Variants in PPP1R12B observed in about 807,000 individuals in gnomAD.
PPP1R12B encodes the protein myosin phosphatase target subunit 2.
In PPP1R12B, 76 loss-of-function variants were observed where a neutral mutation model predicts 126.1. That is an observed-to-expected ratio of 0.60 (90% CI 0.50 to 0.73). The LOEUF (loss-of-function observed/expected upper bound fraction) is 0.73. Among genes scored for constraint, PPP1R12B ranks in the 30% least tolerant of loss-of-function variants. The pLI is 0.00. For missense variants in PPP1R12B, 1,052 were observed against 1,205.1 expected, an observed-to-expected ratio of 0.87 and a Z score of 1.88; for synonymous variants, 356 against 434.7, an observed-to-expected ratio of 0.82 and a Z score of 2.25.
At chr1:202,578,319 T>G (rs531784369) in intron 23 of PPP1R12B, among the ~76,000 whole-genome samples, 1 of 152,370 alleles carries the variant, frequency 6.6e-6, no homozygotes, top group South Asian at 2.1e-4. Context: ...CATATATAGC[T>G]TCTTCCTACC....
chr1:202,548,808 C>CTATATATATA (rs370219273), intron 18 of PPP1R12B, among the ~76,000 whole-genome samples: 46 of 72,984 alleles, frequency 6.3e-4, no homozygotes, highest in Non-Finnish European at 7.7e-4. Flanking sequence ...CTCTCTCTCT[C>CTATATATATA]TATATATATA....
intron 10 of PPP1R12B, chr1:202,438,619 C>T: frequency 4.0e-6 from 2 of 503,966 alleles, no homozygotes; most frequent in Non-Finnish European, 3.7e-6. Flanking sequence ...GGAGCCTGAG[C>T]CCGCCCCGTC....
intron 18 of PPP1R12B, among the ~76,000 whole-genome samples, chr1:202,523,768 G>A (rs538383673): frequency 1.6e-4 from 24 of 152,120 alleles, no homozygotes; most frequent in Non-Finnish European, 2.1e-4. Context: ...AGGATGGAGT[G>A]CATTGGCGCC....
chr1:202,389,460 C>T (rs9943160), intron 1 of PPP1R12B, among the ~76,000 whole-genome samples: 6,149 of 150,842 alleles, frequency 0.041, 340 homozygotes, highest in African/African-American at 0.12. Flanking sequence ...CTGGCTAACA[C>T]GGTGAAACCC....
chr1:202,435,314 C>T (rs1670671474), intron 9 of PPP1R12B, among the ~76,000 whole-genome samples: 1 of 152,128 alleles, frequency 6.6e-6, no homozygotes, highest in South Asian at 2.1e-4. Flanking sequence ...GTTAAGATAA[C>T]ATAAGATAGA....
intron 23 of PPP1R12B, among the ~76,000 whole-genome samples, chr1:202,579,980 G>A (rs1007764585): frequency 1.3e-4 from 20 of 152,200 alleles, no homozygotes; most frequent in South Asian, 2.1e-4. Context: ...CAAGAAAGCC[G>A]AGTACTGCCT....
chr1:202,400,185 C>T (rs1665622745), intron 1 of PPP1R12B, among the ~76,000 whole-genome samples: 1 of 152,204 alleles, frequency 6.6e-6, no homozygotes, highest in Non-Finnish European at 1.5e-5. Flanking sequence ...CTGGAAAGCA[C>T]ATGATTTTGT....
chr1:202,550,615 C>T (rs1439939959), intron 18 of PPP1R12B, among the ~76,000 whole-genome samples: 1 of 152,060 alleles, frequency 6.6e-6, no homozygotes, highest in Admixed American at 6.6e-5. Context: ...GATGCCCATA[C>T]ACATCTGTGT....
At chr1:202,418,269 A>G (rs1668339230) in intron 2 of PPP1R12B, among the ~76,000 whole-genome samples, 1 of 152,182 alleles carries the variant, frequency 6.6e-6, no homozygotes, top group Non-Finnish European at 1.5e-5. Context: ...TTTATAGAAC[A>G]TGTTGGCCTT....
chr1:202,497,185 A>G (rs1679666500), intron 18 of PPP1R12B, among the ~76,000 whole-genome samples: 1 of 152,236 alleles, frequency 6.6e-6, no homozygotes, highest in Admixed American at 6.5e-5. Context: ...GCACTAATAG[A>G]GAGGGACATA....
intron 18 of PPP1R12B, among the ~76,000 whole-genome samples, chr1:202,526,033 G>A (rs747209029): frequency 4.6e-5 from 7 of 152,212 alleles, no homozygotes; most frequent in Non-Finnish European, 8.8e-5. Flanking sequence ...TTGCTTGTGA[G>A]AATGATCCCA....
At chr1:202,404,477 A>G (rs984239577) in intron 1 of PPP1R12B, among the ~76,000 whole-genome samples, 1 of 151,664 alleles carries the variant, frequency 6.6e-6, no homozygotes, top group African/African-American at 2.4e-5. Flanking sequence ...TCAGGTAAAT[A>G]ATTTTTTATT....
intron 2 of PPP1R12B, among the ~76,000 whole-genome samples, chr1:202,421,033 G>T (rs1468691516): frequency 1.4e-5 from 2 of 139,306 alleles, no homozygotes; most frequent in African/African-American, 5.4e-5. Context: ...TTGGCTCACT[G>T]CAACCTCCGC....
chr1:202,409,020 G>A (rs1667031645), intron 1 of PPP1R12B, among the ~76,000 whole-genome samples: 1 of 150,836 alleles, frequency 6.6e-6, no homozygotes, highest in Non-Finnish European at 1.5e-5. Context: ...TGTATTTTTA[G>A]TAGAGACAAG....
At chr1:202,456,882 A>G (rs1486489925) in intron 13 of PPP1R12B, among the ~76,000 whole-genome samples, 1 of 152,246 alleles carries the variant, frequency 6.6e-6, no homozygotes, top group Non-Finnish European at 1.5e-5. Flanking sequence ...CTGTAAAAAC[A>G]GTTTCAACCA....
intron 9 of PPP1R12B, among the ~76,000 whole-genome samples, chr1:202,435,842 T>C (rs1462443627): frequency 6.6e-6 from 1 of 152,218 alleles, no homozygotes; most frequent in Non-Finnish European, 1.5e-5. Context: ...AGAAGCATCA[T>C]CGTGAATAAT....
intron 18 of PPP1R12B, among the ~76,000 whole-genome samples, chr1:202,515,080 G>A (rs1681959001): frequency 6.6e-6 from 1 of 152,166 alleles, no homozygotes; most frequent in African/African-American, 2.4e-5. Flanking sequence ...CTTATAAGTG[G>A]AAGCTAAGTG....
At chr1:202,444,899 T>A in intron 12 of PPP1R12B, 1 of 544,052 alleles carries the variant, frequency 1.8e-6, no homozygotes, top group Non-Finnish European at 2.8e-6. Flanking sequence ...CAGCTCTAGC[T>A]GGAGTTGATC....
At chr1:202,496,947 T>G in intron 18 of PPP1R12B, 125 bp downstream of exon 18, 1 of 922,516 alleles carries the variant, frequency 1.1e-6, no homozygotes, top group South Asian at 1.6e-5. Flanking sequence ...GAGATAGACA[T>G]TCCTCTAAGA....
Sources: gnomAD v4.1 joint callset for allele counts (sites outside exome capture counted in the v4.1 genomes callset) on GRCh38, gnomAD v4.1.1 for gene constraint, MANE v1.5 for transcripts, NCBI Gene and HGNC (gene_info 2026-07-23, HGNC 2026-07-21) for gene names.